Variants in FRMD5 observed in about 807,000 individuals in gnomAD.
FRMD5 encodes FERM domain-containing protein 5.
In FRMD5, 20 loss-of-function variants were observed where a neutral mutation model predicts 69.0. The ratio of observed to expected loss-of-function variants is 0.29; its 90% CI spans 0.20 to 0.42. The LOEUF (loss-of-function observed/expected upper bound fraction) is 0.42. Among genes scored for constraint, FRMD5 ranks in the 10% least tolerant of loss-of-function variants. FRMD5 has a pLI of 1.00. For missense variants in FRMD5, 595 were observed against 708.6 expected (o/e 0.84, Z 1.82); for synonymous variants, 271 against 260.1 (o/e 1.04, Z -0.40).
chr15:43,984,091 G>A (rs926140392), intron 1 of FRMD5, among the ~76,000 whole-genome samples: 3 of 152,012 alleles, frequency 2.0e-5, no homozygotes, highest in African/African-American at 2.4e-5. Flanking sequence ...AAGCATTAAC[G>A]TTGCTATTAT....
At chr15:43,992,188 T>C (rs779886612) in intron 1 of FRMD5, among the ~76,000 whole-genome samples, 38 of 152,152 alleles carry the variant, frequency 2.5e-4, no homozygotes, top group Non-Finnish European at 4.7e-4. Flanking sequence ...AAACTTCCAG[T>C]TGGAGATTGT....
intron 1 of FRMD5, among the ~76,000 whole-genome samples, chr15:44,049,178 G>T (rs554494420): frequency 6.6e-6 from 1 of 152,222 alleles, no homozygotes; most frequent in African/African-American, 2.4e-5. Context: ...ATAGTTTTAA[G>T]CTCCCAAACC....
intron 1 of FRMD5, among the ~76,000 whole-genome samples, chr15:44,125,145 A>AAGAATAACT (rs1380672978): frequency 6.6e-6 from 1 of 152,138 alleles, no homozygotes; most frequent in Non-Finnish European, 1.5e-5. Flanking sequence ...AAAACTAGGA[A>AAGAATAACT]AGAATAACTA....
chr15:44,122,421 C>T (rs1367016233), intron 1 of FRMD5, among the ~76,000 whole-genome samples: 1 of 151,864 alleles, frequency 6.6e-6, no homozygotes, highest in Non-Finnish European at 1.5e-5. Flanking sequence ...AAAAAATCAG[C>T]CAGGCATGGT....
rs1487495464 is a variant in FRMD5, at chr15:43,975,422, G to C, written c.103-51113C>G. Among the ~76,000 whole-genome samples the C allele has an allele frequency of 2.6e-5, 4 of 152,108 alleles. No homozygotes were observed. In the East Asian group the frequency reaches 7.7e-4, roughly 29 times the overall value. The stretch of plus-strand genomic sequence containing the variant: ...AGATCACCCAGCAGAGATATTCTTG[G>C]CAAATAAAATGCCGGGCCAATATAA... On this transcript the variant is annotated intron_variant, in intron 1 of 13. Transcript: ENST00000417257.
At chr15:43,942,739 T>G (rs1021225453) in intron 1 of FRMD5, among the ~76,000 whole-genome samples, 2 of 152,186 alleles carry the variant, frequency 1.3e-5, no homozygotes, top group African/African-American at 4.8e-5. Flanking sequence ...TATACTGTCA[T>G]GAATACTAAT....
chr15:43,962,670 A>C (rs552484180), intron 1 of FRMD5, among the ~76,000 whole-genome samples: 1 of 152,262 alleles, frequency 6.6e-6, no homozygotes, highest in South Asian at 2.1e-4. Flanking sequence ...ACAAGGCTAC[A>C]GTAACAAAAT....
At chr15:43,976,639 T>G (rs1392345961) in intron 1 of FRMD5, among the ~76,000 whole-genome samples, 1 of 152,178 alleles carries the variant, frequency 6.6e-6, no homozygotes, top group Non-Finnish European at 1.5e-5. Flanking sequence ...CCCTGATTGC[T>G]TACAAGCTGA....
chr15:43,960,036 G>C (rs148562585), intron 1 of FRMD5, among the ~76,000 whole-genome samples: 9 of 152,294 alleles, frequency 5.9e-5, no homozygotes, highest in African/African-American at 2.2e-4. Context: ...TCCTGCCTCA[G>C]CCTCCCAAGT....
chr15:43,920,500 G>C (rs1005064245), intron 2 of FRMD5, among the ~76,000 whole-genome samples: 10 of 152,178 alleles, frequency 6.6e-5, no homozygotes, highest in Admixed American at 2.6e-4. Context: ...GCAGGACATA[G>C]AGGCAGAATA....
chr15:44,187,277 T>C (rs1378776004), intron 1 of FRMD5, among the ~76,000 whole-genome samples: 1 of 152,198 alleles, frequency 6.6e-6, no homozygotes, highest in African/African-American at 2.4e-5. Flanking sequence ...AGAATCTTAA[T>C]TTGTGTTATA....
At chr15:43,981,301 C>T (rs2090545425) in intron 1 of FRMD5, among the ~76,000 whole-genome samples, 1 of 150,882 alleles carries the variant, frequency 6.6e-6, no homozygotes, top group Non-Finnish European at 1.5e-5. Context: ...TGTATTCTTA[C>T]AATAAATTAG....
intron 1 of FRMD5, among the ~76,000 whole-genome samples, chr15:44,148,373 G>A (rs941758150): frequency 1.3e-5 from 2 of 151,852 alleles, no homozygotes; most frequent in African/African-American, 2.4e-5. Context: ...CCGGGTTCAC[G>A]CCATTCTCCT....
intron 13 of FRMD5, chr15:43,879,473 C>T (rs561633535): frequency 1.3e-5 from 5 of 399,026 alleles, no homozygotes; most frequent in Non-Finnish European, 1.8e-5. Flanking sequence ...CTAACTGGCA[C>T]AGCAAAACAG....
At chr15:44,024,532 C>T (rs1301497628) in intron 1 of FRMD5, among the ~76,000 whole-genome samples, 1 of 152,188 alleles carries the variant, frequency 6.6e-6, no homozygotes, top group African/African-American at 2.4e-5. Context: ...TTATATTTCC[C>T]TAATTGCTAA....
chr15:43,879,831 C>T (rs2140344760), intron 13 of FRMD5: 4 of 394,818 alleles, frequency 1.0e-5, no homozygotes, highest in Non-Finnish European at 1.8e-5. Flanking sequence ...GGCAGTGCCT[C>T]GCGTGTTGCA....
chr15:44,097,469 A>C (rs1334240607), intron 1 of FRMD5, among the ~76,000 whole-genome samples: 1 of 152,234 alleles, frequency 6.6e-6, no homozygotes, highest in South Asian at 2.1e-4. Flanking sequence ...CAACCAGACA[A>C]GAAGAGGGGC....
chr15:43,993,107 C>T (rs1187269803), intron 1 of FRMD5, among the ~76,000 whole-genome samples: 1 of 152,080 alleles, frequency 6.6e-6, no homozygotes, highest in Non-Finnish European at 1.5e-5. Flanking sequence ...CTTTGGTGGG[C>T]AGAAAAGATA....
At chr15:43,916,882 G>A (rs910081222) in intron 4 of FRMD5, among the ~76,000 whole-genome samples, 3 of 151,418 alleles carry the variant, frequency 2.0e-5, no homozygotes, top group Non-Finnish European at 2.9e-5. Context: ...GGGTTCAAGC[G>A]ATTCTCCTGT....
Sources: gnomAD v4.1 joint callset for allele counts (sites outside exome capture counted in the v4.1 genomes callset) on GRCh38, gnomAD v4.1.1 for gene constraint, MANE v1.5 for transcripts, NCBI Gene and HGNC (gene_info 2026-07-23, HGNC 2026-07-21) for gene names.